Variants in SLC29A3 observed in about 807,000 individuals in gnomAD.
The protein encoded by SLC29A3 is solute carrier family 29 member 3.
A neutral mutation model predicts 25.4 loss-of-function variants in SLC29A3; 18 were observed. The observed-to-expected ratio is 0.71, with a 90% CI of 0.49 to 1.05. SLC29A3 has a LOEUF of 1.05. SLC29A3 is among the 50% of genes least tolerant of loss of function. The pLI, the probability that SLC29A3 is intolerant of heterozygous loss-of-function variation, is 0.00. For synonymous variants in SLC29A3, 258 were observed against 267.1 expected (o/e 0.97, Z 0.33); for missense variants, 586 against 609.0 (o/e 0.96, Z 0.40).
chr10:71,353,757 G>A lies in SLC29A3; in HGVS notation c.610+1969G>A, dbSNP rs567823249. On this transcript the variant is annotated intron_variant, in intron 4 of 5. Coordinates refer to ENST00000373189, the MANE Select transcript of SLC29A3 (RefSeq NM_018344.6). The stretch of plus-strand genomic sequence containing the variant: ...CACAGCCCGTCTGTGAATTCCGCAC[G>A]CGTTGGCATCTGAGGAACAATTCAT... Among the ~76,000 whole-genome samples, 6 of 152,222 alleles carry A rather than the reference G, an allele frequency of 3.9e-5. No individual in the cohort carries two copies. The East Asian group carries it at 5.8e-4, about 15-fold the overall frequency.
intron 3 of SLC29A3, among the ~76,000 whole-genome samples, chr10:71,348,825 A>T (rs926863702): frequency 6.6e-6 from 1 of 152,192 alleles, no homozygotes; most frequent in African/African-American, 2.4e-5. Context: ...TGAAACAAGG[A>T]TTCAAATGCG....
Position 71,362,118 on chromosome 10 carries a change from C to T in SLC29A3, c.938C>T (p.Thr313Ile). Residue 313 changes from threonine (T) to isoleucine (I), a missense_variant, in exon 6 of 6, where the codon ACC (threonine) becomes ATC (isoleucine). Transcript: ENST00000373189. Reference protein sequence around the residue: ...KKTASLGFCVTYVFFITSLIY... With the variant: ...KKTASLGFCVIYVFFITSLIY... ...ACGGCCAGCCTGGGCTTCTGTGTCA[C>T]CTACGTCTTCTTCATCACCAGCCTC... 1.2e-6 allele frequency: 2 copies of T among 1,614,154 alleles called. No individual in the cohort carries two copies. The highest frequency in any genetic ancestry group is 1.7e-6 in the Non-Finnish European group (2 of 1,180,026).
At chr10:71,352,008 C>T (rs986023248) in intron 4 of SLC29A3, among the ~76,000 whole-genome samples, 7 of 152,214 alleles carry the variant, frequency 4.6e-5, no homozygotes, top group African/African-American at 1.7e-4. Context: ...CTCTTCTCCC[C>T]ATGGCATCAG....
intron 4 of SLC29A3, among the ~76,000 whole-genome samples, chr10:71,378,518 C>A (rs1395826732): frequency 6.6e-6 from 1 of 152,210 alleles, no homozygotes; most frequent in Non-Finnish European, 1.5e-5. Flanking sequence ...GCTTCCTCAT[C>A]CCTCAAGTGA....
chr10:71,335,125 A>T (rs953853708), intron 2 of SLC29A3, among the ~76,000 whole-genome samples: 1 of 152,084 alleles, frequency 6.6e-6, no homozygotes, highest in African/African-American at 2.4e-5. Flanking sequence ...TGAATAAATT[A>T]ACCACTGCTA....
intron 3 of SLC29A3, among the ~76,000 whole-genome samples, chr10:71,350,316 TGTG>T: frequency 7.9e-6 from 1 of 126,836 alleles, no homozygotes; most frequent in East Asian, 2.3e-4. Context: ...CACACCTACG[TGTG>T]TGTGTGTGTG....
downstream of SLC29A3, chr10:71,363,441 T>C: frequency 2.4e-6 from 1 of 412,042 alleles, no homozygotes; most frequent in Non-Finnish European, 4.8e-6. Flanking sequence ...CACACTCAGA[T>C]TAGGCAATTT....
intron 2 of SLC29A3, among the ~76,000 whole-genome samples, chr10:71,327,363 G>A (rs1275703610): frequency 1.3e-5 from 2 of 152,190 alleles, no homozygotes. Context: ...TATCACAGGT[G>A]TATTGGCCCA....
chr10:71,339,666 G>A lies in SLC29A3; in HGVS notation c.301-4543G>A, dbSNP rs560101420. ...AAGCCTCAGGTTGCTTTCAACAGATGAGCTGCGCTGGCATCCTCACTGGTG... is the reference window on the plus strand; with the variant it reads ...AAGCCTCAGGTTGCTTTCAACAGATAAGCTGCGCTGGCATCCTCACTGGTG... On this transcript the variant is annotated intron_variant, in intron 2 of 5. Coordinates refer to ENST00000373189, the MANE Select transcript of SLC29A3 (RefSeq NM_018344.6). 3.3e-5 allele frequency among the ~76,000 whole-genome samples: 5 copies of A among 152,256 alleles called. No homozygotes were observed. In the South Asian group the frequency reaches 8.3e-4, roughly 25 times the overall value.
At chr10:71,345,571 T>C (rs867599312) in intron 3 of SLC29A3, among the ~76,000 whole-genome samples, 11 of 152,300 alleles carry the variant, frequency 7.2e-5, no homozygotes, top group African/African-American at 2.2e-4. Flanking sequence ...CCAATGGAAT[T>C]TGCACCCTTC....
At position 71,319,284 on chromosome 10, in the gene SLC29A3, C is replaced by A; in HGVS notation, c.-26C>A. ...AGTGGTCCTGGCCGTGCGCCGGAGGCAGCGGCGGCGTGGCGCAGCGGCGAC... is the reference window on the plus strand; with the variant it reads ...AGTGGTCCTGGCCGTGCGCCGGAGGAAGCGGCGGCGTGGCGCAGCGGCGAC... On this transcript the variant is annotated 5_prime_UTR_variant, in exon 1 of 6. Transcript: ENST00000373189. The A allele has an allele frequency of 1.6e-6, 1 of 630,006 alleles. No individual in the cohort carries two copies. The highest frequency in any genetic ancestry group is 2.8e-6 in the Non-Finnish European group (1 of 350,904). The allele number at this position is 630,006 out of a possible 1,614,324, so 39.0% of individuals were successfully genotyped here.
intron 5 of SLC29A3, among the ~76,000 whole-genome samples, chr10:71,359,821 C>T (rs545062356): frequency 2.6e-4 from 40 of 152,372 alleles, no homozygotes; most frequent in African/African-American, 8.9e-4. Context: ...CACCCCTACA[C>T]CAACTCCCTC....
chr10:71,342,536 C>T (rs946771943), intron 2 of SLC29A3, among the ~76,000 whole-genome samples: 1 of 152,266 alleles, frequency 6.6e-6, no homozygotes, highest in African/African-American at 2.4e-5. Flanking sequence ...TGAGCCTGCT[C>T]GAAGAAACAA....
intron 2 of SLC29A3, 25 bp from the exon 3 acceptor site, chr10:71,344,184 C>T: frequency 6.3e-7 from 1 of 1,591,628 alleles, no homozygotes. Flanking sequence ...GTGACCGCAG[C>T]ACCTCCTCAC....
intron 4 of SLC29A3, among the ~76,000 whole-genome samples, chr10:71,354,694 G>T (rs1189425316): frequency 6.6e-6 from 1 of 152,182 alleles, no homozygotes; most frequent in African/African-American, 2.4e-5. Context: ...TTCAGGAATG[G>T]ACATTCTGAT....
At chr10:71,333,595 A>G (rs3781311) in intron 2 of SLC29A3, among the ~76,000 whole-genome samples, 66,628 of 152,200 alleles carry the variant, frequency 0.44, 15,793 homozygotes, top group African/African-American at 0.62. Context: ...GCCACAGGGC[A>G]TGGCCCTTGT....
Position 71,344,245 on chromosome 10 carries a change from G to A in SLC29A3, c.337G>A (p.Val113Met), listed in dbSNP as rs180984559. ...GAGCTACCTTGCCGTTGCCTCCACC[G>A]TGCCCTCCATGCTGTGCCTGGTGGC... ...FESYLAVAST[V>M]PSMLCLVANF... Residue 113 changes from valine (V) to methionine (M), a missense_variant, in exon 3 of 6, where the codon GTG becomes ATG. Val to Met is a conservative substitution (Grantham distance 21). Transcript: ENST00000373189. 7.4e-5 allele frequency: 120 copies of A among 1,614,058 alleles called. No individual in the cohort carries two copies. The East Asian group carries it at 1.1e-3, about 15-fold the overall frequency.
At chr10:71,339,729 G>T (rs551849072) in intron 2 of SLC29A3, among the ~76,000 whole-genome samples, 1 of 152,216 alleles carries the variant, frequency 6.6e-6, no homozygotes, top group South Asian at 2.1e-4. Flanking sequence ...CAGCCGTTCT[G>T]TCCTGTTGGG....
intron 2 of SLC29A3, among the ~76,000 whole-genome samples, chr10:71,324,266 G>T (rs528781821): frequency 3.3e-5 from 5 of 152,230 alleles, no homozygotes; most frequent in Admixed American, 1.3e-4. Context: ...GAACAACAAG[G>T]GTTCACTTTA....
Sources: allele counts gnomAD v4.1 joint callset (sites outside exome capture counted in the v4.1 genomes callset), GRCh38; gene constraint gnomAD v4.1.1; transcripts MANE v1.5; gene names NCBI Gene and HGNC (gene_info 2026-07-23, HGNC 2026-07-21).